The following NLRP4 variants were observed in gnomAD, a reference collection of about 807,000 sequenced individuals.
The protein encoded by NLRP4 is NLR family pyrin domain containing 4.
Under a neutral mutation model 84.7 loss-of-function variants are expected in NLRP4, and 44 were observed. That is an observed-to-expected ratio of 0.52 (90% CI 0.41 to 0.67). The LOEUF is 0.67. NLRP4 is among the 30% of genes least tolerant of loss of function. The pLI is 0.00. For synonymous variants in NLRP4, 544 were observed against 476.4 expected (o/e 1.14, Z -1.85); for missense variants, 1,260 against 1,219.4 (o/e 1.03, Z -0.50).
At chr19:55,864,135 A>G (rs1043745011) in intron 5 of NLRP4, among the ~76,000 whole-genome samples, 2 of 152,220 alleles carry the variant, frequency 1.3e-5, no homozygotes, top group African/African-American at 2.4e-5. Flanking sequence ...ATCCTCATAT[A>G]TATTCATGAG....
chr19:55,877,314 A>G, intron 8 of NLRP4, 148 bp downstream of exon 8: 1 of 729,606 alleles, frequency 1.4e-6, no homozygotes, highest in Non-Finnish European at 2.3e-6. Flanking sequence ...TTCAGGGCTT[A>G]AGGCAATGAG....
chr19:55,855,084 G>A (rs913858990), intron 2 of NLRP4, among the ~76,000 whole-genome samples: 2 of 151,996 alleles, frequency 1.3e-5, no homozygotes, highest in African/African-American at 2.4e-5. Flanking sequence ...GGTGTCACAC[G>A]CTGAGGTCTC....
At position 55,857,296 on chromosome 19, in the gene NLRP4, A is replaced by T. The variant is rs185546127; in HGVS notation, c.281-378A>T. ...TGTGTGTGTGTCTATTGAAAGCAGAAGTTGTCAAACTTTACGTAGTAGCAA... is the reference window on the plus strand; with the variant it reads ...TGTGTGTGTGTCTATTGAAAGCAGATGTTGTCAAACTTTACGTAGTAGCAA... On this transcript the variant is annotated intron_variant, in intron 2 of 9. Transcript: ENST00000301295. 2.1e-3 allele frequency: 687 copies of T among 330,028 alleles called. 5 individuals carry two copies. The highest frequency in any genetic ancestry group is 0.013 in the African/African-American group (622 of 46,758). 20.4% of individuals were successfully genotyped at this position (330,028 alleles called of 1,614,324 possible).
rs572628798 is a variant in NLRP4 at position 55,845,029 on chromosome 19, T to C, written c.-65-6987T>C. Among the ~76,000 whole-genome samples, 778 of 152,250 alleles carry C rather than the reference T, an allele frequency of 5.1e-3. 13 individuals are homozygous for C. Among genetic ancestry groups the C allele is most frequent in the African/African-American group, 0.018 (755 of 41,554 alleles). ...CAGCCTGTGGCAAGAGGCTACACTT[T>C]TTTTTAATTATTATACTTTAAGTTT... On this transcript the variant is annotated intron_variant, in intron 1 of 9. Coordinates refer to ENST00000301295, the MANE Select transcript of NLRP4 (RefSeq NM_134444.5).
chr19:55,853,388 C>G (rs1984246915), intron 2 of NLRP4, among the ~76,000 whole-genome samples: 1 of 151,916 alleles, frequency 6.6e-6, no homozygotes, highest in Non-Finnish European at 1.5e-5. Context: ...CCAGTTACAC[C>G]TACTGGACTT....
In NLRP4 at chr19:55,874,205, G is replaced by A. The variant is rs151097653; in HGVS notation, c.2526-2791G>A. Among the ~76,000 whole-genome samples the A allele has an allele frequency of 5.6e-3, 852 of 152,224 alleles. 9 individuals carry two copies. Among genetic ancestry groups the A allele is most frequent in the African/African-American group, 0.02 (816 of 41,538 alleles). ...GTAATATTTGAAAGTAATTTTATAA[G>A]TAAATATTTGAAACTAATTTTAATA... is the stretch of plus-strand genomic sequence containing the variant. On this transcript the variant is annotated intron_variant, in intron 7 of 9. Transcript: ENST00000301295.
rs745682260 is a variant in NLRP4 at position 55,857,883 on chromosome 19, C to T, written c.490C>T (p.Leu164Phe). Residue 164 changes from leucine to phenylalanine, a missense_variant, in exon 3 of 10, where the codon CTC (leucine) becomes TTC (phenylalanine). By Grantham distance (22) the Leu-to-Phe change is conservative. Around this residue, in one of 3 missense-constraint regions of NLRP4, gnomAD observed 712 missense variants for 669.2 expected, o/e 1.06. Transcript: ENST00000301295. Reference sequence around the variant, plus strand: ...ACCACAAGGAATTGGAAAAACGACACTCCTGATGAAGCTGATGATGGCCTG... The same window carrying T: ...ACCACAAGGAATTGGAAAAACGACATTCCTGATGAAGCTGATGATGGCCTG... The part of the protein sequence containing the change: ...QGPQGIGKTT[L>F]LMKLMMAWSD... The T allele has an allele frequency of 4.3e-6, 7 of 1,614,136 alleles. No individual in the cohort carries two copies. The Admixed American group carries it at 8.3e-5, about 19-fold the overall frequency.
In NLRP4 at chr19:55,859,218, G is replaced by A; in HGVS notation, c.1825G>A (p.Val609Ile). ...LRKLCFSVQN[V>I]FKKEDEHSST... ...GAAACTCTGTTTTTCCGTTCAAAAT[G>A]TCTTTAAGAAAGAGGATGAACACAG... The change falls in exon 3 of 10, where the codon GTC becomes ATC. Residue 609 changes from valine to isoleucine, a missense_variant. By Grantham distance (29) the Val-to-Ile change is conservative. This residue lies in a region of NLRP4 where 544 missense variants were observed against 531.7 expected (regional missense o/e 1.02). Coordinates refer to ENST00000301295, the MANE Select transcript of NLRP4 (RefSeq NM_134444.5). The A allele has an allele frequency of 3.7e-6, 6 of 1,605,218 alleles. No homozygotes were observed. The highest frequency in any genetic ancestry group is 4.3e-6 in the Non-Finnish European group (5 of 1,172,542).
At position 55,858,779 on chromosome 19, in the gene NLRP4, G is replaced by A; in HGVS notation, c.1386G>A (p.Leu462=). The A allele has an allele frequency of 1.2e-6, 2 of 1,614,200 alleles. No homozygotes were observed. The highest frequency in any genetic ancestry group is 1.7e-6 in the Non-Finnish European group (2 of 1,180,030). ...HVCIQEFCAA[L]FYLLKSHLDH... Reference sequence around the variant, plus strand: ...GTATCCAGGAGTTCTGTGCCGCCTTGTTCTATTTGCTCAAGAGCCACCTTG... The same window carrying A: ...GTATCCAGGAGTTCTGTGCCGCCTTATTCTATTTGCTCAAGAGCCACCTTG... The change falls in exon 3 of 10, where the codon TTG becomes TTA. Residue 462 remains leucine, a synonymous_variant. Coordinates refer to ENST00000301295, the MANE Select transcript of NLRP4 (RefSeq NM_134444.5). The surrounding 1 kb of genome is among the most constrained non-coding windows in gnomAD (Gnocchi z 4.2).
intron 8 of NLRP4, among the ~76,000 whole-genome samples, chr19:55,877,403 A>T (rs1985415102): frequency 6.6e-6 from 1 of 152,060 alleles, no homozygotes; most frequent in South Asian, 2.1e-4. Flanking sequence ...AGCTGTGGTT[A>T]ACTGAGGGAT....
intron 4 of NLRP4, 79 bp downstream of exon 4, chr19:55,861,626 T>C: frequency 7.5e-7 from 1 of 1,328,710 alleles, no homozygotes; most frequent in Non-Finnish European, 1.1e-6. Flanking sequence ...CAGTCGAGGC[T>C]AACTGCACAA....
chr19:55,866,036 T>TC lies in NLRP4; in HGVS notation c.2187-1673_2187-1672insC, dbSNP rs1423290500. ...TTAACTTCTTTGTTTTCTTTTCTTT[T>TC]TTTTTCCCCCAAATTTGAGATGAGT... On this transcript the variant is annotated intron_variant, in intron 5 of 9. Coordinates refer to ENST00000301295, the MANE Select transcript of NLRP4 (RefSeq NM_134444.5). 1.9e-3 allele frequency among the ~76,000 whole-genome samples: 296 copies of TC among 152,314 alleles called. 2 individuals are homozygous for TC. The highest frequency in any genetic ancestry group is 7.0e-3 in the African/African-American group (291 of 41,560).
Position 55,858,784 on chromosome 19 carries a change from A to G in NLRP4, c.1391A>G (p.Tyr464Cys), listed in dbSNP as rs753146100. Residue 464 changes from tyrosine (Y) to cysteine (C), a missense_variant, in exon 3 of 10, where the codon TAT becomes TGT. By Grantham distance (194) the Tyr-to-Cys change is radical. This residue lies in a region of NLRP4 where 712 missense variants were observed against 669.2 expected (regional missense o/e 1.06). Coordinates refer to ENST00000301295, the MANE Select transcript of NLRP4 (RefSeq NM_134444.5). This position sits in a 1 kb window ranked among gnomAD's most constrained non-coding sequence, Gnocchi z 4.2. ...CAGGAGTTCTGTGCCGCCTTGTTCT[A>G]TTTGCTCAAGAGCCACCTTGATCAT... ...CIQEFCAALF[Y>C]LLKSHLDHPH... 2 of 1,614,124 alleles carry G rather than the reference A, an allele frequency of 1.2e-6. No individual in the cohort carries two copies. Among genetic ancestry groups the G allele is most frequent in the Non-Finnish European group, 1.7e-6 (2 of 1,180,014 alleles).
intron 2 of NLRP4, among the ~76,000 whole-genome samples, chr19:55,856,025 G>T (rs1041079345): frequency 2.0e-5 from 3 of 152,162 alleles, no homozygotes; most frequent in Admixed American, 6.5e-5. Flanking sequence ...AGACAGTCTC[G>T]CTCTATTGCC....
At chr19:55,861,650 A>G in intron 4 of NLRP4, 103 bp downstream of exon 4, 1 of 1,098,290 alleles carries the variant, frequency 9.1e-7, no homozygotes, top group Non-Finnish European at 1.3e-6. Context: ...AAGAATTAAC[A>G]TCCAGAGCAG....
chr19:55,861,640 A>G, intron 4 of NLRP4, 93 bp downstream of exon 4: 1 of 1,168,852 alleles, frequency 8.6e-7, no homozygotes. Flanking sequence ...TGCACAAGCA[A>G]AGAATTAACA....
chr19:55,857,353 GTGTGTC>G, intron 2 of NLRP4: 2 of 408,200 alleles, frequency 4.9e-6, no homozygotes, highest in Non-Finnish European at 4.3e-6. Flanking sequence ...GTGTGTGTGT[GTGTGTC>G]TATTGAAAGC....
At chr19:55,856,481 C>T (rs989475220) in intron 2 of NLRP4, among the ~76,000 whole-genome samples, 21 of 145,852 alleles carry the variant, frequency 1.4e-4, no homozygotes, top group African/African-American at 2.5e-4. Context: ...TTGTGGGATG[C>T]GTAGGGCTTG....
Position 55,852,218 on chromosome 19 carries a change from G to A in NLRP4, c.138G>A (p.Glu46=), listed in dbSNP as rs765484946. The change falls in exon 2 of 10, where the codon GAG becomes GAA. Residue 46 remains glutamate (E), a synonymous_variant. Transcript: ENST00000301295. ...AACTCAAGCAGATTCCCTGGACTGAGGTCAAAAAAGCATCCCGGGAAGAAC... is the reference window on the plus strand; with the variant it reads ...AACTCAAGCAGATTCCCTGGACTGAAGTCAAAAAAGCATCCCGGGAAGAAC... ...QLELKQIPWT[E]VKKASREELA... 3 of 1,608,720 alleles carry A rather than the reference G, an allele frequency of 1.9e-6. No homozygotes were observed. The highest frequency in any genetic ancestry group is 2.5e-6 in the Non-Finnish European group (3 of 1,178,712).
Sources: allele counts gnomAD v4.1 joint callset (sites outside exome capture counted in the v4.1 genomes callset), GRCh38; gene constraint gnomAD v4.1.1; regional missense constraint gnomAD v4.1.1; non-coding constraint Gnocchi (gnomAD v3.1); transcripts MANE v1.5; gene names NCBI Gene and HGNC (gene_info 2026-07-23, HGNC 2026-07-21).